Variants in TMEM165 observed in about 807,000 individuals in gnomAD.
The protein encoded by TMEM165 is transmembrane protein 165.
TMEM165 carries 19 observed loss-of-function variants against 30.0 expected under a neutral mutation model. That is an observed-to-expected ratio of 0.63 (90% CI 0.44 to 0.93). The LOEUF (loss-of-function observed/expected upper bound fraction) is 0.93. Among genes scored for constraint, TMEM165 ranks in the 40% least tolerant of loss-of-function variants. The pLI is 0.00. For missense variants in TMEM165, 340 were observed against 417.0 expected, an observed-to-expected ratio of 0.82 and a Z score of 1.61; for synonymous variants, 168 against 162.9, an observed-to-expected ratio of 1.03 and a Z score of -0.24.
chr4:55,406,967 AT>A (rs532674132), intron 1 of TMEM165, among the ~76,000 whole-genome samples: 21 of 152,316 alleles, frequency 1.4e-4, no homozygotes, highest in African/African-American at 4.8e-4. Context: ...ACATTTAGTT[AT>A]TTTGTCTCTT....
chr4:55,449,354 TAATA>T (rs761075042), intron 3 of TMEM165: 1 of 1,507,350 alleles, frequency 6.6e-7, no homozygotes, highest in Admixed American at 1.7e-5. Flanking sequence ...TTTCCCCTCT[TAATA>T]AATCTTTATT....
chr4:55,403,463 G>A (rs1316824929), intron 1 of TMEM165: 1 of 216,704 alleles, frequency 4.6e-6, no homozygotes, highest in Non-Finnish European at 7.5e-6. Context: ...AAGTATAAAA[G>A]AATACTTTCT....
Position 55,437,068 on chromosome 4 carries a change from T to C in TMEM165, c.408+12425T>C, listed in dbSNP as rs1189882725. The stretch of plus-strand genomic sequence containing the variant: ...TAGAACTTGTTTTAAATTGTTGTTA[T>C]TTCTTTATTTGTAATAGTAGCTACC... On this transcript the variant is annotated intron_variant, in intron 3 of 3. Coordinates refer to the TMEM165 transcript ENST00000608091. Among the ~76,000 whole-genome samples the C allele has an allele frequency of 3.3e-5, 5 of 152,172 alleles. No individual in the cohort carries two copies. In the East Asian group the frequency reaches 7.7e-4, roughly 23 times the overall value.
chr4:55,401,950 C>T (rs1455709293), intron 1 of TMEM165, among the ~76,000 whole-genome samples: 1 of 149,586 alleles, frequency 6.7e-6, no homozygotes, highest in Admixed American at 6.6e-5. Flanking sequence ...AACCCCATCT[C>T]TACTGAAAAT....
At chr4:55,409,348 G>GAATTGA (rs1721392138) in intron 1 of TMEM165, among the ~76,000 whole-genome samples, 2 of 152,082 alleles carry the variant, frequency 1.3e-5, no homozygotes, top group Admixed American at 1.3e-4. Flanking sequence ...TGTGACTAGG[G>GAATTGA]CCTTTGTAAT....
chr4:55,405,832 A>G (rs2109532387), intron 1 of TMEM165, among the ~76,000 whole-genome samples: 1 of 152,324 alleles, frequency 6.6e-6, no homozygotes, highest in South Asian at 2.1e-4. Flanking sequence ...AAAAATATGT[A>G]ATGACTTCCC....
rs576294143 is a variant in TMEM165 at position 55,400,360 on chromosome 4, TA to T, written c.207+3966del. 5.9e-4 allele frequency among the ~76,000 whole-genome samples: 32 copies of T among 53,918 alleles called. No individual in the cohort carries two copies. The South Asian group carries it at 0.034, about 58-fold the overall frequency. The allele number at this position is 53,918 out of a possible 152,430, so 35.4% of individuals were successfully genotyped here. Reference sequence around the variant, plus strand: ...TAATATTAATTATATTATATTAATATAATTAATTATATTAATATAATAATAA... The same window carrying T: ...TAATATTAATTATATTATATTAATATATTAATTATATTAATATAATAATAA... On this transcript the variant is annotated intron_variant, in intron 1 of 5. Coordinates refer to ENST00000381334, the MANE Select transcript of TMEM165 (RefSeq NM_018475.5).
intron 1 of TMEM165, among the ~76,000 whole-genome samples, chr4:55,396,869 AACCATG>A (rs558040565): frequency 2.0e-4 from 30 of 152,328 alleles, no homozygotes; most frequent in African/African-American, 6.7e-4. Flanking sequence ...ATGGATTATG[AACCATG>A]ACTCTCACTT....
chr4:55,408,385 A>C (rs1321807207), intron 1 of TMEM165, among the ~76,000 whole-genome samples: 2 of 152,210 alleles, frequency 1.3e-5, no homozygotes, highest in Admixed American at 1.3e-4. Context: ...ACTCAACACA[A>C]ACCTAGATGT....
chr4:55,412,089 T>C (rs577344125), intron 2 of TMEM165: 56 of 539,252 alleles, frequency 1.0e-4, no homozygotes, highest in Non-Finnish European at 1.6e-4. Context: ...ATTTCTGTTA[T>C]ATTGTGTAAA....
In TMEM165 at chr4:55,425,748, T is replaced by G. The variant is rs577089360; in HGVS notation, c.*296T>G. 4.7e-6 allele frequency: 1 copy of G among 213,488 alleles called. No homozygotes were observed. 13.2% of individuals were successfully genotyped at this position (213,488 alleles called of 1,614,324 possible). On this transcript the variant is annotated 3_prime_UTR_variant, in exon 6 of 6. Coordinates refer to ENST00000381334, the MANE Select transcript of TMEM165 (RefSeq NM_018475.5). ...TGTGCAGTGGGGTCTACCATGCAAT[T>G]TTCTTTCAGCACTGACCCCTTTTTA... is the stretch of plus-strand genomic sequence containing the variant.
downstream of TMEM165, chr4:55,429,915 C>T (rs536785195): frequency 9.2e-5 from 14 of 152,292 alleles, no homozygotes; most frequent in African/African-American, 3.4e-4. Context: ...TAGATTCAGA[C>T]TGTCCGTAAA....
At chr4:55,414,308 A>C (rs1190338060) in intron 2 of TMEM165, among the ~76,000 whole-genome samples, 3 of 151,600 alleles carry the variant, frequency 2.0e-5, no homozygotes, top group Admixed American at 2.0e-4. Context: ...TAAATATTTC[A>C]CTTGTGTTAT....
Position 55,412,670 on chromosome 4 carries a change from C to T in TMEM165, c.433+831C>T, listed in dbSNP as rs929398275. 5 of 151,924 alleles carry T rather than the reference C, an allele frequency of 3.3e-5. No individual in the cohort carries two copies. The South Asian group carries it at 1.0e-3, about 31-fold the overall frequency. 9.4% of individuals were successfully genotyped at this position (151,924 alleles called of 1,614,324 possible). ...AAGTGCAATGGTGTATACAACTAAT[C>T]GATGACAAACCAGTTACAGATTTCT... is the stretch of plus-strand genomic sequence containing the variant. On this transcript the variant is annotated intron_variant, in intron 2 of 5. Transcript: ENST00000381334.
intron 3 of TMEM165, chr4:55,450,165 T>A: frequency 6.2e-7 from 1 of 1,614,032 alleles, no homozygotes; most frequent in Non-Finnish European, 8.5e-7. Flanking sequence ...TGGGCTGTGA[T>A]CAAACCTTTC....
chr4:55,417,282 G>C (rs1355743947), intron 3 of TMEM165, 35 bp downstream of exon 3: 1 of 1,590,534 alleles, frequency 6.3e-7, no homozygotes, highest in African/African-American at 1.4e-5. Context: ...GACCAAAAAG[G>C]CACTCAACTA....
At chr4:55,409,288 T>C (rs1028073638) in intron 1 of TMEM165, among the ~76,000 whole-genome samples, 2 of 152,222 alleles carry the variant, frequency 1.3e-5, no homozygotes, top group Non-Finnish European at 2.9e-5. Flanking sequence ...CTTTATGTTA[T>C]GTGTTAAGGA....
downstream of TMEM165, among the ~76,000 whole-genome samples, chr4:55,427,059 A>AGC (rs1722241288): frequency 7.6e-6 from 1 of 132,202 alleles, no homozygotes; most frequent in Admixed American, 7.9e-5. Context: ...TTTTTGAGAG[A>AGC]GTCTCACTCT....
At chr4:55,409,507 G>A (rs1422018668) in intron 1 of TMEM165, among the ~76,000 whole-genome samples, 9 of 152,100 alleles carry the variant, frequency 5.9e-5, no homozygotes, top group Admixed American at 5.9e-4. Context: ...TCTAGCCCAG[G>A]GCGTCTCAGT....
Sources: allele counts gnomAD v4.1 joint callset (sites outside exome capture counted in the v4.1 genomes callset), GRCh38; gene constraint gnomAD v4.1.1; transcripts MANE v1.5; gene names NCBI Gene and HGNC (gene_info 2026-07-23, HGNC 2026-07-21).